The following MERTK variants were observed in gnomAD, a reference collection of about 807,000 sequenced individuals.
MERTK encodes the protein MER proto-oncogene, tyrosine kinase.
In MERTK, 69 loss-of-function variants were observed where a neutral mutation model predicts 99.3. The observed-to-expected ratio is 0.70, with a 90% confidence interval of 0.57 to 0.85. The LOEUF (loss-of-function observed/expected upper bound fraction) is 0.85. MERTK is among the 40% of genes least tolerant of loss of function. The pLI is 0.00. For synonymous variants in MERTK, 426 were observed against 467.6 expected, an observed-to-expected ratio of 0.91 and a Z score of 1.15; for missense variants, 1,125 against 1,249.4, an observed-to-expected ratio of 0.90 and a Z score of 1.50.
chr2:111,946,501 C>T (rs966557871), intron 3 of MERTK, among the ~76,000 whole-genome samples: 2 of 152,130 alleles, frequency 1.3e-5, no homozygotes, highest in African/African-American at 4.8e-5. Context: ...TTTCTCTGAG[C>T]TTCCTTGGGA....
At chr2:111,930,730 G>A (rs1213581238) in intron 2 of MERTK, among the ~76,000 whole-genome samples, 3 of 152,202 alleles carry the variant, frequency 2.0e-5, no homozygotes, top group African/African-American at 7.2e-5. Context: ...AGCTAAGCCA[G>A]GACTTATATC....
intron 2 of MERTK, among the ~76,000 whole-genome samples, chr2:111,930,778 T>C (rs1684656206): frequency 6.6e-6 from 1 of 152,222 alleles, no homozygotes; most frequent in South Asian, 2.1e-4. Context: ...AGCTGTCATG[T>C]CTCAGAATGC....
At chr2:112,002,840 G>A (rs1676896654) in intron 11 of MERTK, among the ~76,000 whole-genome samples, 1 of 152,134 alleles carries the variant, frequency 6.6e-6, no homozygotes, top group South Asian at 2.1e-4. Context: ...GGGTGTGGTG[G>A]TGCATGCCTG....
intron 2 of MERTK, 120 bp downstream of exon 2, chr2:111,929,660 C>A: frequency 1.3e-6 from 1 of 764,716 alleles, no homozygotes. Flanking sequence ...GATCTCAGCT[C>A]ATTGCAACCT....
chr2:111,928,891 T>G (rs898690441), intron 1 of MERTK, among the ~76,000 whole-genome samples: 8 of 152,282 alleles, frequency 5.3e-5, no homozygotes, highest in African/African-American at 1.9e-4. Context: ...TTTTTATTTT[T>G]GGTGGGGGTG....
intron 1 of MERTK, among the ~76,000 whole-genome samples, chr2:111,921,352 T>C (rs180872310): frequency 2.6e-3 from 389 of 152,008 alleles, no homozygotes; most frequent in African/African-American, 9.0e-3. Flanking sequence ...ATACAAAAAT[T>C]AGCTGGGCAT....
At chr2:111,998,474 C>G (rs1490837849) in intron 10 of MERTK, among the ~76,000 whole-genome samples, 1 of 152,150 alleles carries the variant, frequency 6.6e-6, no homozygotes, top group Admixed American at 6.5e-5. Context: ...AAATCCTGCC[C>G]TCATGGGGTT....
At chr2:111,898,920 TCCAC>T in intron 1 of MERTK, 124 bp downstream of exon 1, 1 of 991,930 alleles carries the variant, frequency 1.0e-6, no homozygotes, top group African/African-American at 1.7e-5. Context: ...GCAAACACCC[TCCAC>T]CCACTGCGGT....
chr2:111,989,375 CA>C (rs1676561740), intron 8 of MERTK, among the ~76,000 whole-genome samples: 1 of 100,854 alleles, frequency 9.9e-6, no homozygotes, highest in Admixed American at 1.0e-4. Context: ...TTTTTTTTTT[CA>C]GACAGAGTCT....
At position 111,911,211 on chromosome 2, in the gene MERTK, A is replaced by G. The variant is rs555905840; in HGVS notation, c.61+12415A>G. Among the ~76,000 whole-genome samples, 13 of 152,164 alleles carry G rather than the reference A, an allele frequency of 8.5e-5. No homozygotes were observed. The South Asian group carries it at 1.2e-3, about 15-fold the overall frequency. ...ACGCTAGCAGCAGCTTACCACATAC[A>G]TGTTATAAAATTTCATATAAATAGT... On this transcript the variant is annotated intron_variant, in intron 1 of 18. Coordinates refer to ENST00000295408, the MANE Select transcript of MERTK (RefSeq NM_006343.3).
intron 18 of MERTK, among the ~76,000 whole-genome samples, chr2:112,023,629 A>G (rs1250902914): frequency 2.6e-5 from 4 of 152,078 alleles, no homozygotes; most frequent in Non-Finnish European, 5.9e-5. Context: ...GTGAGTGGCT[A>G]TGGCAATTAA....
At chr2:112,021,396 C>G (rs1219464038) in intron 16 of MERTK, 26 bp from the exon 17 acceptor site, 2 of 1,612,020 alleles carry the variant, frequency 1.2e-6, no homozygotes, top group Middle Eastern at 2.1e-4. Context: ...TCTGACGCTG[C>G]TGAAGACGTA....
intron 1 of MERTK, among the ~76,000 whole-genome samples, 171 bp downstream of exon 1, chr2:111,898,967 C>T (rs1683984289): frequency 6.6e-6 from 1 of 152,216 alleles, no homozygotes; most frequent in Non-Finnish European, 1.5e-5. Flanking sequence ...AACCTACCGT[C>T]CACTGACCGC....
rs145047776 is a variant in MERTK at position 112,025,109 on chromosome 2, G to C, written c.2486+2715G>C. ...GGACTGGCACTGCCGCCGACTGTTG[G>C]CGTGACTTCAGTCAGTTCCTCTCCT... On this transcript the variant is annotated intron_variant, in intron 18 of 18. Transcript: ENST00000295408. Among the ~76,000 whole-genome samples, 552 of 152,282 alleles carry C rather than the reference G, an allele frequency of 3.6e-3. 4 individuals carry two copies. Among genetic ancestry groups the C allele is most frequent in the Non-Finnish European group, 6.5e-3 (445 of 68,030 alleles).
intron 4 of MERTK, among the ~76,000 whole-genome samples, chr2:111,963,044 A>G (rs903998568): frequency 3.3e-5 from 5 of 152,036 alleles, no homozygotes; most frequent in Non-Finnish European, 7.4e-5. Flanking sequence ...TTTCTCGGAG[A>G]GGGGGATGTG....
At chr2:111,984,114 G>C (rs1025055206) in intron 8 of MERTK, among the ~76,000 whole-genome samples, 1 of 152,100 alleles carries the variant, frequency 6.6e-6, no homozygotes, top group African/African-American at 2.4e-5. Context: ...TGAGAAACAG[G>C]GGCAGTGGTG....
intron 1 of MERTK, among the ~76,000 whole-genome samples, chr2:111,911,933 C>T (rs1684257398): frequency 6.6e-6 from 1 of 151,948 alleles, no homozygotes; most frequent in African/African-American, 2.4e-5. Context: ...AAGTGATCCT[C>T]CTGCCTCGGC....
intron 10 of MERTK, among the ~76,000 whole-genome samples, chr2:111,998,387 A>T (rs1388401057): frequency 2.0e-5 from 3 of 152,224 alleles, no homozygotes; most frequent in Non-Finnish European, 4.4e-5. Context: ...CAGAAGCTGC[A>T]AGAGTAGCTC....
At chr2:111,965,408 A>G in intron 5 of MERTK, 131 bp downstream of exon 5, 2 of 831,926 alleles carry the variant, frequency 2.4e-6, no homozygotes, top group South Asian at 1.4e-5. Context: ...GACCTTGGAC[A>G]ACTCACTTCT....
Sources: allele counts gnomAD v4.1 joint callset (sites outside exome capture counted in the v4.1 genomes callset), GRCh38; gene constraint gnomAD v4.1.1; transcripts MANE v1.5; gene names NCBI Gene and HGNC (gene_info 2026-07-23, HGNC 2026-07-21).